The following ADAP1 variants were observed in gnomAD, a reference collection of about 807,000 sequenced individuals.
The protein encoded by ADAP1 is ArfGAP with dual PH domains 1.
Under a neutral mutation model 54.9 loss-of-function variants are expected in ADAP1, and 31 were observed. The ratio of observed to expected loss-of-function variants is 0.56; its 90% CI spans 0.42 to 0.76. The LOEUF is 0.76. Ranked by LOEUF, ADAP1 falls within the 30% of genes least tolerant of loss-of-function variation. ADAP1 has a pLI of 0.00. For synonymous variants in ADAP1, 313 were observed against 202.6 expected, an observed-to-expected ratio of 1.55 and a Z score of -4.63; for missense variants, 535 against 512.4, an observed-to-expected ratio of 1.04 and a Z score of -0.42.
chr7:930,103 A>C (rs1236030347), intron 2 of ADAP1, among the ~76,000 whole-genome samples: 1 of 96,962 alleles, frequency 1.0e-5, no homozygotes, highest in African/African-American at 4.2e-5. Flanking sequence ...GACTGTCTCA[A>C]AAAAAAAAAA....
rs1342702342 is a variant in ADAP1, at chr7:900,170, G to A, written c.733-6C>T. 1.9e-6 allele frequency: 3 copies of A among 1,613,070 alleles called. No individual in the cohort carries two copies. The highest frequency in any genetic ancestry group is 2.2e-5 in the East Asian group (1 of 44,846). On this transcript the variant is annotated splice_polypyrimidine_tract_variant and splice_region_variant and intron_variant, in intron 7 of 10. Coordinates refer to ENST00000265846, the MANE Select transcript of ADAP1 (RefSeq NM_006869.4). ...CTGGAGAGCTTTGGCACCAGCTAGG[G>A]CAGGACACACCAGGCAGGGGACCTC...
At chr7:913,507 T>C (rs960035895) in intron 4 of ADAP1, among the ~76,000 whole-genome samples, 1 of 152,134 alleles carries the variant, frequency 6.6e-6, no homozygotes, top group Non-Finnish European at 1.5e-5. Context: ...GGTCCTCCCC[T>C]TTCTCTTTAC....
In ADAP1 at chr7:905,419, GAGAAAGGAGAAA is replaced by G. The variant is rs1424878884; in HGVS notation, c.389-259_389-248del. The stretch of plus-strand genomic sequence containing the variant: ...AAAGGAGAAAGGAGAAAGGGAGAAA[GAGAAAGGAGAAA>G]GGAGAAAGGGAGAAAGGGAGAAAGG... On this transcript the variant is annotated intron_variant, in intron 4 of 10. Transcript: ENST00000265846. The G allele has an allele frequency of 1.6e-4, 20 of 123,110 alleles. 2 individuals carry two copies. The highest frequency in any genetic ancestry group is 2.0e-4 in the East Asian group (1 of 4,886). 7.6% of individuals were successfully genotyped at this position (123,110 alleles called of 1,614,324 possible).
At chr7:910,611 A>T (rs1350706009) in intron 4 of ADAP1, among the ~76,000 whole-genome samples, 1 of 152,238 alleles carries the variant, frequency 6.6e-6, no homozygotes, top group Non-Finnish European at 1.5e-5. Context: ...TATGCAAAGT[A>T]GATGTAAATC....
chr7:903,155 A>C (rs530088190), intron 6 of ADAP1, among the ~76,000 whole-genome samples: 2 of 152,168 alleles, frequency 1.3e-5, no homozygotes, highest in Admixed American at 1.3e-4. Flanking sequence ...CTGCGGCAAC[A>C]CATGGTCAAC....
chr7:898,780 C>CG lies in ADAP1; in HGVS notation c.*140dup. On this transcript the variant is annotated 3_prime_UTR_variant, in exon 11 of 11. Coordinates refer to ENST00000265846, the MANE Select transcript of ADAP1 (RefSeq NM_006869.4). The stretch of plus-strand genomic sequence containing the variant: ...GAGAAGCATCCTGGAAGCTGAAGCT[C>CG]GGGCCCTACCTGGCCGCGCCGGGCT... 8.9e-7 allele frequency: 1 copy of CG among 1,126,216 alleles called. No individual in the cohort carries two copies. The highest frequency in any genetic ancestry group is 2.6e-5 in the East Asian group (1 of 38,654). The allele number at this position is 1,126,216 out of a possible 1,614,324, so 69.8% of individuals were successfully genotyped here.
chr7:909,482 A>G (rs1334708485), intron 4 of ADAP1, among the ~76,000 whole-genome samples: 2 of 152,158 alleles, frequency 1.3e-5, no homozygotes, highest in Admixed American at 1.3e-4. Context: ...ATGACGACGC[A>G]GGAGTGTATT....
chr7:919,224 A>T (rs1234553753), intron 4 of ADAP1, among the ~76,000 whole-genome samples: 1 of 152,196 alleles, frequency 6.6e-6, no homozygotes. Flanking sequence ...CAGTGTTGCC[A>T]CACAGAGGAC....
At chr7:940,330 T>TCACACACACACACA (rs56715852) in intron 1 of ADAP1, among the ~76,000 whole-genome samples, 2 of 140,614 alleles carry the variant, frequency 1.4e-5, no homozygotes, top group African/African-American at 5.4e-5. Context: ...ACAGACCCTG[T>TCACACACACACACA]CACACACACA....
chr7:909,726 G>C (rs1413722220), intron 4 of ADAP1, among the ~76,000 whole-genome samples: 1 of 152,256 alleles, frequency 6.6e-6, no homozygotes, highest in African/African-American at 2.4e-5. Flanking sequence ...GCTGTGGCCA[G>C]AAATGGCCAT....
rs147783043 is a variant in ADAP1 at position 942,391 on chromosome 7, AG to A, written c.83-6887del. Among the ~76,000 whole-genome samples the A allele has an allele frequency of 4.8e-3, 505 of 105,178 alleles. 12 individuals carry two copies. Among genetic ancestry groups the A allele is most frequent in the African/African-American group, 0.012 (307 of 24,890 alleles). The allele number at this position is 105,178 out of a possible 152,430, so 69.0% of individuals were successfully genotyped here. A position where few individuals can be genotyped will look rare whatever the true frequency, so the allele number is the denominator to read the frequency against. ...GAGGAGGAGGAGGAAGGGAGAGAGG[AG>A]GAGGAAGGGAGAGAGGAGGAGGAAG... On this transcript the variant is annotated intron_variant, in intron 1 of 10. Coordinates refer to ENST00000265846, the MANE Select transcript of ADAP1 (RefSeq NM_006869.4).
intron 4 of ADAP1, 53 bp downstream of exon 4, chr7:919,913 GGA>G (rs1245257685): frequency 1.4e-6 from 2 of 1,423,906 alleles, no homozygotes; most frequent in Non-Finnish European, 1.9e-6. Context: ...GGGGAGGGAG[GGA>G]GAGAGCCAGG....
rs890373707 is a variant in ADAP1 at position 898,119 on chromosome 7, G to C, written c.*802C>G. 3 of 152,364 alleles carry C rather than the reference G, an allele frequency of 2.0e-5. No individual in the cohort carries two copies. The highest frequency in any genetic ancestry group is 2.9e-5 in the Non-Finnish European group (2 of 68,142). The allele number at this position is 152,364 out of a possible 1,614,324, so 9.4% of individuals were successfully genotyped here. A position where few individuals can be genotyped will look rare whatever the true frequency, so the allele number is the denominator to read the frequency against. ...CAAGGGGAGCCCTGGAGCCCGGCCTGCCTTGACAGGAAGGAGATAGGTGAA... is the reference window on the plus strand; with the variant it reads ...CAAGGGGAGCCCTGGAGCCCGGCCTCCCTTGACAGGAAGGAGATAGGTGAA... On this transcript the variant is annotated 3_prime_UTR_variant, in exon 11 of 11. Transcript: ENST00000265846.
At position 906,729 on chromosome 7, in the gene ADAP1, ATGG is replaced by A. The variant is rs1562915454; in HGVS notation, c.389-1560_389-1558del. Among the ~76,000 whole-genome samples the A allele has an allele frequency of 2.5e-3, 41 of 16,204 alleles. 2 individuals carry two copies. The highest frequency in any genetic ancestry group is 0.025 in the East Asian group (6 of 240). The allele number at this position is 16,204 out of a possible 152,430, so 10.6% of individuals were successfully genotyped here. A position where few individuals can be genotyped will look rare whatever the true frequency, so the allele number is the denominator to read the frequency against. ...GGGGACGGGACATCGGGGACGGGAC[ATGG>A]GGGACAGAGTACATAGGGGACATGG... On this transcript the variant is annotated intron_variant, in intron 4 of 10. Coordinates refer to ENST00000265846, the MANE Select transcript of ADAP1 (RefSeq NM_006869.4).
chr7:919,874 AAG>A, intron 4 of ADAP1, 92 bp downstream of exon 4: 1 of 313,032 alleles, frequency 3.2e-6, no homozygotes, highest in Non-Finnish European at 4.8e-6. Flanking sequence ...GAGGGAGGGA[AAG>A]AGATGGGGGA....
intron 4 of ADAP1, among the ~76,000 whole-genome samples, chr7:906,662 G>GGA (rs1845405950): frequency 5.2e-5 from 6 of 116,058 alleles, no homozygotes; most frequent in African/African-American, 1.6e-4. Context: ...AAAGGGGGCG[G>GGA]GAAAGGGGAC....
intron 4 of ADAP1, among the ~76,000 whole-genome samples, chr7:914,486 T>G (rs1236794017): frequency 6.6e-6 from 1 of 152,106 alleles, no homozygotes; most frequent in East Asian, 1.9e-4. Flanking sequence ...TGGAGGAGGC[T>G]CTGCCCACGG....
At chr7:902,475 A>AATGCCTGGGC (rs1491159593) in intron 6 of ADAP1, among the ~76,000 whole-genome samples, 5 of 142,372 alleles carry the variant, frequency 3.5e-5, no homozygotes, top group African/African-American at 7.9e-5. Context: ...AAAAAAAGAA[A>AATGCCTGGGC]GAAAAGAAAG....
At chr7:937,409 G>A (rs1209642576) in intron 1 of ADAP1, among the ~76,000 whole-genome samples, 1 of 27,100 alleles carries the variant, frequency 3.7e-5, no homozygotes, top group African/African-American at 2.1e-4. Flanking sequence ...TGGGATTTGG[G>A]GGTCACGCCC....
Sources: allele counts gnomAD v4.1 joint callset (sites outside exome capture counted in the v4.1 genomes callset), GRCh38; gene constraint gnomAD v4.1.1; transcripts MANE v1.5; gene names NCBI Gene and HGNC (gene_info 2026-07-23, HGNC 2026-07-21).